The following PDE8B variants were observed in gnomAD, a reference collection of about 807,000 sequenced individuals.
PDE8B encodes the protein high affinity cAMP-specific and IBMX-insensitive 3',5'-cyclic phosphodiesterase 8B.
Under a neutral mutation model 101.3 loss-of-function variants are expected in PDE8B, and 26 were observed. The observed-to-expected ratio is 0.26, with a 90% CI of 0.19 to 0.36. The LOEUF (loss-of-function observed/expected upper bound fraction) is 0.36. PDE8B is among the 10% of genes least tolerant of loss of function. The probability of loss-of-function intolerance (pLI) is 1.00; values close to 1 mark genes in which losing one functional copy is unlikely to be tolerated. For missense variants in PDE8B, 810 were observed against 1,163.1 expected, an observed-to-expected ratio of 0.70 and a Z score of 4.42; for synonymous variants, 424 against 429.3, an observed-to-expected ratio of 0.99 and a Z score of 0.15.
chr5:77,291,643 C>A (rs1767369136), intron 1 of PDE8B: 1 of 1,596,600 alleles, frequency 6.3e-7, no homozygotes, highest in South Asian at 1.1e-5. Flanking sequence ...AACATTCCAA[C>A]AAGTGGGGCT....
intron 1 of PDE8B, among the ~76,000 whole-genome samples, chr5:77,299,226 A>C (rs1338079562): frequency 1.3e-5 from 2 of 151,146 alleles, no homozygotes; most frequent in Non-Finnish European, 2.9e-5. Context: ...CAAGATTGGG[A>C]ACATGAGAGT....
the PDE8B span, among the ~76,000 whole-genome samples, chr5:77,155,648 GTCA>G: frequency 6.6e-6 from 1 of 152,180 alleles, no homozygotes; most frequent in Non-Finnish European, 1.5e-5. Context: ...TGTGTTGGCT[GTCA>G]TCATCACTGA....
At chr5:77,206,213 T>C (rs1159104231), upstream of PDE8B, among the ~76,000 whole-genome samples, 1 of 152,216 alleles carries the variant, frequency 6.6e-6, no homozygotes, top group Non-Finnish European at 1.5e-5. Flanking sequence ...CTAGGCACTG[T>C]TCCAAAAGTA....
chr5:77,276,862 A>G (rs1473413742), intron 1 of PDE8B, among the ~76,000 whole-genome samples: 1 of 152,192 alleles, frequency 6.6e-6, no homozygotes, highest in Non-Finnish European at 1.5e-5. Context: ...GTGTCCTTAC[A>G]GTGAATTTTT....
At chr5:77,344,766 C>T (rs1405186838) in intron 6 of PDE8B, 87 bp from the exon 7 acceptor site, 3 of 870,290 alleles carry the variant, frequency 3.4e-6, no homozygotes, top group East Asian at 2.4e-5. Flanking sequence ...TTTGATGAAC[C>T]TGGTATCTGT....
chr5:77,299,705 C>T (rs1233405294), intron 1 of PDE8B, among the ~76,000 whole-genome samples: 2 of 152,048 alleles, frequency 1.3e-5, no homozygotes, highest in Non-Finnish European at 2.9e-5. Flanking sequence ...CAAGTCTTTG[C>T]TATTGTGAAT....
At chr5:77,318,073 A>T (rs1323259057) in intron 2 of PDE8B, among the ~76,000 whole-genome samples, 2 of 151,258 alleles carry the variant, frequency 1.3e-5, no homozygotes, top group Non-Finnish European at 2.9e-5. Context: ...AAAAAAAAAA[A>T]AAAACACAAC....
chr5:77,191,379 G>A, the PDE8B span, among the ~76,000 whole-genome samples: 3,054 of 150,564 alleles, frequency 0.02, 108 homozygotes, highest in African/African-American at 0.069. Flanking sequence ...TTGAGACGGA[G>A]TCTCACTCTG....
chr5:77,388,971 C>T (rs189160762), intron 10 of PDE8B, among the ~76,000 whole-genome samples: 40 of 152,216 alleles, frequency 2.6e-4, no homozygotes, highest in East Asian at 2.5e-3. Flanking sequence ...GTGCCGGCAG[C>T]GAGAATTTCA....
intron 2 of PDE8B, among the ~76,000 whole-genome samples, chr5:77,320,334 C>T (rs1018648046): frequency 6.6e-6 from 1 of 152,184 alleles, no homozygotes; most frequent in African/African-American, 2.4e-5. Context: ...GTTCTGACTA[C>T]GGACAGAACA....
At chr5:77,256,807 A>C (rs1174782727) in intron 1 of PDE8B, among the ~76,000 whole-genome samples, 2 of 152,210 alleles carry the variant, frequency 1.3e-5, no homozygotes, top group African/African-American at 4.8e-5. Flanking sequence ...AAAAAATCTC[A>C]AACCAAAAAA....
chr5:77,258,170 T>C (rs1759586782), intron 1 of PDE8B, among the ~76,000 whole-genome samples: 1 of 151,112 alleles, frequency 6.6e-6, no homozygotes, highest in South Asian at 2.1e-4. Context: ...GTACCTGTAA[T>C]CCCAGCTACT....
At chr5:77,410,082 A>C (rs1794241771) in intron 14 of PDE8B, among the ~76,000 whole-genome samples, 1 of 152,252 alleles carries the variant, frequency 6.6e-6, no homozygotes, top group Non-Finnish European at 1.5e-5. Context: ...CAGGACAGGC[A>C]AGTCCCCAAA....
chr5:77,216,651 A>T (rs1157146136), intron 1 of PDE8B, among the ~76,000 whole-genome samples: 14 of 152,184 alleles, frequency 9.2e-5, no homozygotes, highest in Non-Finnish European at 1.5e-5. Context: ...CAGGGTAGTT[A>T]TGGGAATCTG....
chr5:77,096,922 G>A, the PDE8B span, among the ~76,000 whole-genome samples: 1 of 152,192 alleles, frequency 6.6e-6, no homozygotes, highest in Admixed American at 6.5e-5. Flanking sequence ...CAAGTACCCA[G>A]AGTTAGGACT....
chr5:77,271,370 G>A (rs755134351), intron 1 of PDE8B, among the ~76,000 whole-genome samples: 3 of 152,170 alleles, frequency 2.0e-5, no homozygotes, highest in Non-Finnish European at 4.4e-5. Context: ...TGGCTGGTAC[G>A]TGATCTTGAG....
At chr5:77,269,033 T>C (rs1018317262) in intron 1 of PDE8B, among the ~76,000 whole-genome samples, 1 of 151,954 alleles carries the variant, frequency 6.6e-6, no homozygotes, top group Non-Finnish European at 1.5e-5. Flanking sequence ...TTTTAGTTTT[T>C]TGAGAAACCT....
At chr5:77,420,671 T>C (rs13158658) in intron 19 of PDE8B, among the ~76,000 whole-genome samples, 45,744 of 151,858 alleles carry the variant, frequency 0.3, 7,210 homozygotes, top group South Asian at 0.45. Flanking sequence ...CTATTTAAGC[T>C]CCTTCCCCCA....
the PDE8B span, among the ~76,000 whole-genome samples, chr5:77,090,693 A>G: frequency 6.6e-6 from 1 of 152,168 alleles, no homozygotes; most frequent in South Asian, 2.1e-4. Context: ...CTCTTCTCTA[A>G]GACATCCATG....
Sources: gnomAD v4.1 joint callset for allele counts (sites outside exome capture counted in the v4.1 genomes callset) on GRCh38, gnomAD v4.1.1 for gene constraint, MANE v1.5 for transcripts, NCBI Gene and HGNC (gene_info 2026-07-23, HGNC 2026-07-21) for gene names.